The following ZNF638 variants were observed in gnomAD, a reference collection of about 807,000 sequenced individuals.
The protein encoded by ZNF638 is zinc finger protein 638.
In ZNF638, 46 loss-of-function variants were observed where a neutral mutation model predicts 195.6. The ratio of observed to expected loss-of-function variants is 0.24; its 90% confidence interval spans 0.19 to 0.30. The LOEUF (loss-of-function observed/expected upper bound fraction) is 0.30, where lower values mean the gene tolerates loss of function less well. Among genes scored for constraint, ZNF638 ranks in the 10% least tolerant of loss-of-function variants. ZNF638 has a pLI of 1.00. For missense variants in ZNF638, 2,440 were observed against 2,325.3 expected, an observed-to-expected ratio of 1.05 and a Z score of -1.01; for synonymous variants, 845 against 772.0, an observed-to-expected ratio of 1.09 and a Z score of -1.57.
At chr2:71,352,306 T>C (rs1371426622) in intron 2 of ZNF638, among the ~76,000 whole-genome samples, 2 of 151,812 alleles carry the variant, frequency 1.3e-5, no homozygotes, top group Non-Finnish European at 2.9e-5. Flanking sequence ...GGTGAAATCC[T>C]GTCTCTACTA....
At chr2:71,377,448 A>G (rs1386668502) in intron 8 of ZNF638, among the ~76,000 whole-genome samples, 1 of 152,268 alleles carries the variant, frequency 6.6e-6, no homozygotes, top group Non-Finnish European at 1.5e-5. Flanking sequence ...TTGCATGGAT[A>G]TGAAAAATAA....
intron 3 of ZNF638, among the ~76,000 whole-genome samples, chr2:71,359,505 A>G (rs374609270): frequency 4.6e-5 from 7 of 152,330 alleles, no homozygotes; most frequent in African/African-American, 1.7e-4. Context: ...TTGAGGGCAG[A>G]TCTTCCTTAC....
chr2:71,411,772 A>T (rs1373977845), intron 20 of ZNF638, among the ~76,000 whole-genome samples: 2 of 51,756 alleles, frequency 3.9e-5, no homozygotes, highest in African/African-American at 1.4e-4. Flanking sequence ...GATGGTTTCC[A>T]ATTTCATCCA....
chr2:71,426,374 C>T (rs999774336), intron 23 of ZNF638, 86 bp from the exon 24 acceptor site: 50 of 971,228 alleles, frequency 5.1e-5, no homozygotes, highest in Admixed American at 5.3e-5. Flanking sequence ...CCCAAATGAT[C>T]TGCATGCACA....
chr2:71,400,567 C>A, intron 15 of ZNF638, 49 bp downstream of exon 15: 2 of 1,480,394 alleles, frequency 1.4e-6, no homozygotes, highest in South Asian at 1.3e-5. Context: ...GACATTTTAA[C>A]AAAAGATATT....
At chr2:71,356,836 G>A (rs2079032901) in intron 3 of ZNF638, among the ~76,000 whole-genome samples, 1 of 151,748 alleles carries the variant, frequency 6.6e-6, no homozygotes, top group Non-Finnish European at 1.5e-5. Flanking sequence ...CACTTAACTG[G>A]GAAGCTTAAA....
At chr2:71,393,605 C>T in intron 10 of ZNF638, 3 of 718,084 alleles carry the variant, frequency 4.2e-6, no homozygotes, top group Non-Finnish European at 7.8e-6. Context: ...ACACAGAAAC[C>T]ATTCACTCCA....
intron 22 of ZNF638, among the ~76,000 whole-genome samples, chr2:71,424,429 G>A (rs559910307): frequency 3.3e-5 from 5 of 152,232 alleles, no homozygotes; most frequent in African/African-American, 9.6e-5. Flanking sequence ...ATTGTGGGAC[G>A]AAAAGATCAG....
At chr2:71,385,953 G>A (rs1023801934) in intron 10 of ZNF638, among the ~76,000 whole-genome samples, 2 of 152,056 alleles carry the variant, frequency 1.3e-5, no homozygotes, top group African/African-American at 4.8e-5. Flanking sequence ...ATGCACAAGA[G>A]AGGGTCGTAT....
intron 1 of ZNF638, among the ~76,000 whole-genome samples, chr2:71,333,823 A>G (rs1362435642): frequency 2.0e-5 from 3 of 152,204 alleles, no homozygotes; most frequent in Non-Finnish European, 4.4e-5. Context: ...GTGACTGTTA[A>G]GTGAGACAGT....
At chr2:71,341,597 T>TA in intron 1 of ZNF638, 1 of 152,308 alleles carries the variant, frequency 6.6e-6, no homozygotes, top group African/African-American at 2.4e-5. Flanking sequence ...ACACATTACT[T>TA]ACATAACTAG....
chr2:71,400,251 AGAG>A lies in ZNF638; in HGVS notation c.2656+72_2656+74del, dbSNP rs2104427753. Reference sequence around the variant, plus strand: ...CCAATGCCATACCTAAGTGAAATTAAGAGTATTACGATTCATGTCTTTATCTCT... The same window carrying A: ...CCAATGCCATACCTAAGTGAAATTAATATTACGATTCATGTCTTTATCTCT... On this transcript the variant is annotated intron_variant, in intron 14 of 27. Transcript: ENST00000264447. 4 of 1,248,852 alleles carry A rather than the reference AGAG, an allele frequency of 3.2e-6. No individual in the cohort carries two copies. The East Asian group carries it at 9.8e-5, about 30-fold the overall frequency. 77.4% of individuals were successfully genotyped at this position (1,248,852 alleles called of 1,614,324 possible).
In ZNF638 at chr2:71,349,018, C is replaced by A; in HGVS notation, c.64C>A (p.Pro22Thr). The A allele has an allele frequency of 6.2e-7, 1 of 1,614,180 alleles. No homozygotes were observed. The highest frequency in any genetic ancestry group is 8.5e-7 in the Non-Finnish European group (1 of 1,180,032). Residue 22 changes from proline to threonine, a missense_variant, in exon 2 of 28, where the codon CCT becomes ACT. Physicochemically the swap from Pro to Thr is conservative, Grantham distance 38. Transcript: ENST00000264447. ...FPLQRPRAPN[P>T]SGMRPPGPFM... The stretch of plus-strand genomic sequence containing the variant: ...ACTTCAAAGGCCACGAGCACCTAAC[C>A]CTTCTGGGATGAGGCCTCCAGGACC...
intron 10 of ZNF638, chr2:71,395,322 C>G (rs1200160572): frequency 1.4e-6 from 1 of 715,434 alleles, no homozygotes; most frequent in Non-Finnish European, 2.6e-6. Flanking sequence ...ACTCTTCAAT[C>G]AACAAAACCT....
intron 1 of ZNF638, among the ~76,000 whole-genome samples, chr2:71,346,590 AGTAGG>A (rs1346438434): frequency 1.3e-5 from 2 of 152,164 alleles, no homozygotes; most frequent in Non-Finnish European, 2.9e-5. Flanking sequence ...TTTGAGTAGG[AGTAGG>A]GTTTATATGC....
chr2:71,350,055 A>G lies in ZNF638; in HGVS notation c.1101A>G (p.Arg367=), dbSNP rs1251939924. Residue 367 remains arginine, a synonymous_variant, in exon 2 of 28, where the codon AGA becomes AGG. Transcript: ENST00000264447. ...INSSNVHVGS[R]GSKKNYQSQA... ...CATCTAACGTACATGTTGGATCAAG[A>G]GGAAGTAAAAAGAATTACCAGTCAC... The G allele has an allele frequency of 2.5e-6, 4 of 1,614,222 alleles. No homozygotes were observed. Among genetic ancestry groups the G allele is most frequent in the Non-Finnish European group, 3.4e-6 (4 of 1,180,046 alleles).
intron 1 of ZNF638, among the ~76,000 whole-genome samples, chr2:71,335,498 T>A (rs1358060847): frequency 6.6e-6 from 1 of 152,228 alleles, no homozygotes; most frequent in Non-Finnish European, 1.5e-5. Flanking sequence ...CTATTGTCTC[T>A]GCTGAGTTAA....
intron 1 of ZNF638, among the ~76,000 whole-genome samples, chr2:71,340,023 A>G (rs2104106823): frequency 6.6e-6 from 1 of 152,358 alleles, no homozygotes; most frequent in Middle Eastern, 3.4e-3. Context: ...TGAAATTGGT[A>G]ACAATATTAA....
intron 3 of ZNF638, among the ~76,000 whole-genome samples, chr2:71,362,741 T>C (rs1347805011): frequency 1.3e-5 from 2 of 152,174 alleles, no homozygotes; most frequent in African/African-American, 4.8e-5. Flanking sequence ...AGTGGACATA[T>C]CTTTATGAGG....
Sources: gnomAD v4.1 joint callset for allele counts (sites outside exome capture counted in the v4.1 genomes callset) on GRCh38, gnomAD v4.1.1 for gene constraint, MANE v1.5 for transcripts, NCBI Gene and HGNC (gene_info 2026-07-23, HGNC 2026-07-21) for gene names.